SHPRH: variants seen among roughly 807,000 people sequenced by gnomAD.
SHPRH encodes the protein SNF2 histone linker PHD RING helicase.
A neutral mutation model predicts 202.5 loss-of-function variants in SHPRH; 106 were observed. The ratio of observed to expected loss-of-function variants is 0.52; its 90% CI spans 0.45 to 0.62. SHPRH has a LOEUF of 0.62. Among genes scored for constraint, SHPRH ranks in the 20% least tolerant of loss-of-function variants. The probability of loss-of-function intolerance (pLI) is 0.00; values close to 1 mark genes in which losing one functional copy is unlikely to be tolerated. For synonymous variants in SHPRH, 729 were observed against 686.0 expected (o/e 1.06, Z -0.98); for missense variants, 1,710 against 2,020.0 (o/e 0.85, Z 2.94).
chr6:145,921,102 G>T, intron 21 of SHPRH, 65 bp downstream of exon 21: 1 of 1,347,760 alleles, frequency 7.4e-7, no homozygotes. Flanking sequence ...GAAAAAAGTA[G>T]CAGTTAAAAT....
Position 145,886,471 on chromosome 6 carries a change from A to G in SHPRH, c.*220T>C. On this transcript the variant is annotated 3_prime_UTR_variant, in exon 30 of 30. Coordinates refer to ENST00000275233, the MANE Select transcript of SHPRH (RefSeq NM_001042683.3). The stretch of plus-strand genomic sequence containing the variant: ...TGGGACAAAAAATAAATGTTTTATT[A>G]GGAGTGTAAAATTAAGAATCTTTAT... 1 of 872,300 alleles carries G rather than the reference A, an allele frequency of 1.1e-6. No homozygotes were observed. The highest frequency in any genetic ancestry group is 1.4e-5 in the South Asian group (1 of 71,044). 54.0% of individuals were successfully genotyped at this position (872,300 alleles called of 1,614,324 possible). A position where few individuals can be genotyped will look rare whatever the true frequency, so the allele number is the denominator to read the frequency against.
intron 28 of SHPRH, among the ~76,000 whole-genome samples, chr6:145,891,127 T>C (rs953052929): frequency 6.6e-5 from 10 of 152,086 alleles, no homozygotes. Flanking sequence ...TGGCTCCCGA[T>C]TTCACACAGG....
intron 2 of SHPRH, among the ~76,000 whole-genome samples, chr6:145,953,248 A>C (rs1788165387): frequency 6.6e-6 from 1 of 152,096 alleles, no homozygotes; most frequent in Non-Finnish European, 1.5e-5. Flanking sequence ...CACCAGCCTT[A>C]CACAGAAATG....
chr6:145,917,949 T>C (rs145229383), intron 23 of SHPRH, 182 bp downstream of exon 23: 244 of 433,422 alleles, frequency 5.6e-4, no homozygotes, highest in African/African-American at 4.3e-3. Context: ...CATAATAAAT[T>C]TCTATAGATA....
chr6:145,917,447 T>A (rs187826205), intron 23 of SHPRH: 46 of 152,274 alleles, frequency 3.0e-4, no homozygotes, highest in African/African-American at 9.4e-4. Context: ...TAACTTTTCA[T>A]TTTGTCTGAG....
At chr6:145,867,627 T>G (rs376497119) in intron 2 of SHPRH, among the ~76,000 whole-genome samples, 1,535 of 53,444 alleles carry the variant, frequency 0.029, 27 homozygotes, top group Non-Finnish European at 0.033. Flanking sequence ...TATATATATA[T>G]ATATAGAGAG....
chr6:145,958,822 A>G (rs1788768806), intron 1 of SHPRH, among the ~76,000 whole-genome samples: 1 of 151,974 alleles, frequency 6.6e-6, no homozygotes, highest in Non-Finnish European at 1.5e-5. Context: ...TTGTAACATC[A>G]TAATGCATTT....
chr6:145,901,412 T>C (rs1000073335), intron 25 of SHPRH, among the ~76,000 whole-genome samples: 1 of 152,014 alleles, frequency 6.6e-6, no homozygotes, highest in Non-Finnish European at 1.5e-5. Flanking sequence ...AGAAAGCAAA[T>C]ATTCACATTG....
chr6:145,950,813 A>C (rs1787898984), intron 3 of SHPRH, among the ~76,000 whole-genome samples: 1 of 152,088 alleles, frequency 6.6e-6, no homozygotes, highest in South Asian at 2.1e-4. Context: ...CCAGGGTAAC[A>C]AAGGCAAAGT....
intron 2 of SHPRH, among the ~76,000 whole-genome samples, chr6:145,864,825 G>T (rs527270570): frequency 3.3e-5 from 5 of 151,844 alleles, no homozygotes; most frequent in Admixed American, 6.6e-5. Flanking sequence ...GAATTGCCAC[G>T]TTTTAGGTCA....
Position 145,940,768 on chromosome 6 carries a change from T to C in SHPRH, c.2524A>G (p.Asn842Asp). The change falls in exon 11 of 30, where the codon AAT becomes GAT. Residue 842 changes from asparagine to aspartate, a missense_variant. By Grantham distance (23) the Asn-to-Asp change is conservative (BLOSUM62 1). Around this residue, in one of 8 missense-constraint regions of SHPRH, gnomAD observed 277 missense variants for 363.0 expected, o/e 0.76. Transcript: ENST00000275233. Reference protein sequence around the residue: ...AEMAQRLSGINRWCISGTPVQ... With the variant: ...AEMAQRLSGIDRWCISGTPVQ... ...GGAGTGCCACTGATACACCATCGATTAATCCCACTCAAACGCTGGGCCATT... is the reference window on the plus strand; with the variant it reads ...GGAGTGCCACTGATACACCATCGATCAATCCCACTCAAACGCTGGGCCATT... 6.2e-7 allele frequency: 1 copy of C among 1,613,816 alleles called. No homozygotes were observed. Among genetic ancestry groups the C allele is most frequent in the Non-Finnish European group, 8.5e-7 (1 of 1,179,818 alleles).
At chr6:145,955,820 G>A (rs780849899) in intron 1 of SHPRH, among the ~76,000 whole-genome samples, 12 of 151,368 alleles carry the variant, frequency 7.9e-5, no homozygotes, top group Admixed American at 2.0e-4. Flanking sequence ...CCCATTACAA[G>A]AAAAAAATCA....
intron 13 of SHPRH, 45 bp downstream of exon 13, chr6:145,934,862 A>G (rs911364257): frequency 1.3e-6 from 2 of 1,547,372 alleles, no homozygotes; most frequent in East Asian, 2.3e-5. Context: ...AATATTGTCT[A>G]TTATGATATA....
chr6:145,894,300 A>T (rs2128716808), intron 26 of SHPRH, 64 bp from the exon 27 acceptor site: 1 of 1,223,366 alleles, frequency 8.2e-7, no homozygotes, highest in East Asian at 2.7e-5. Flanking sequence ...AGGGTATCTG[A>T]AAAGGAAATA....
rs1490390891 is a variant in SHPRH, at chr6:145,963,754, C to A, written c.-56G>T. 6.6e-6 allele frequency: 1 copy of A among 152,226 alleles called. No homozygotes were observed. Among genetic ancestry groups the A allele is most frequent in the Non-Finnish European group, 1.5e-5 (1 of 68,050 alleles). The allele number at this position is 152,226 out of a possible 1,614,324, so 9.4% of individuals were successfully genotyped here. ...ACTCAGTTATCTTCCGAAAGACCCACAAGCGGCTCCCGGAGTCTGAGCGGG... is the reference window on the plus strand; with the variant it reads ...ACTCAGTTATCTTCCGAAAGACCCAAAAGCGGCTCCCGGAGTCTGAGCGGG... On this transcript the variant is annotated 5_prime_UTR_variant, in exon 1 of 30. Transcript: ENST00000275233.
At chr6:145,877,087 T>C (rs200329166) in intron 2 of SHPRH, 1 of 152,190 alleles carries the variant, frequency 6.6e-6, no homozygotes, top group East Asian at 1.9e-4. Flanking sequence ...AGTAGAAATG[T>C]TGGGTCATGT....
At chr6:145,903,197 AT>A (rs1782650724) in intron 25 of SHPRH, 1 of 151,902 alleles carries the variant, frequency 6.6e-6, no homozygotes, top group African/African-American at 2.4e-5. Context: ...CTTCTGGATT[AT>A]ATTTACCAAA....
At chr6:145,876,121 T>A (rs1328560025) in intron 2 of SHPRH, among the ~76,000 whole-genome samples, 1 of 152,224 alleles carries the variant, frequency 6.6e-6, no homozygotes, top group Non-Finnish European at 1.5e-5. Flanking sequence ...AACACTTTCA[T>A]TACTCCATAA....
intron 3 of SHPRH, 91 bp downstream of exon 3, chr6:145,952,258 G>A (rs1032336963): frequency 1.1e-5 from 12 of 1,118,364 alleles, no homozygotes; most frequent in Middle Eastern, 3.1e-4. Context: ...GGCTTTATTA[G>A]CTGTTTTTCT....
Sources: allele counts gnomAD v4.1 joint callset (sites outside exome capture counted in the v4.1 genomes callset), GRCh38; gene constraint gnomAD v4.1.1; regional missense constraint gnomAD v4.1.1; transcripts MANE v1.5; gene names NCBI Gene and HGNC (gene_info 2026-07-23, HGNC 2026-07-21).